PTPN23: variants seen among roughly 807,000 people sequenced by gnomAD.
The protein encoded by PTPN23 is protein tyrosine phosphatase non-receptor type 23.
Under a neutral mutation model 156.3 loss-of-function variants are expected in PTPN23, and 72 were observed. That is an observed-to-expected ratio of 0.46 (90% CI 0.38 to 0.56). The LOEUF is 0.56. PTPN23 is among the 20% of genes least tolerant of loss of function. The pLI, the probability that PTPN23 is intolerant of heterozygous loss-of-function variation, is 0.00. For synonymous variants in PTPN23, 957 were observed against 899.6 expected, an observed-to-expected ratio of 1.06 and a Z score of -1.14; for missense variants, 1,974 against 2,171.5, an observed-to-expected ratio of 0.91 and a Z score of 1.81.
chr3:47,409,123 T>A, intron 16 of PTPN23, 36 bp downstream of exon 16: 1 of 1,607,250 alleles, frequency 6.2e-7, no homozygotes, highest in Admixed American at 1.7e-5. Flanking sequence ...AGACTCGAGC[T>A]GGGGGTTTCT....
In PTPN23 at chr3:47,409,464, C is replaced by T; in HGVS notation, c.1845C>T (p.Tyr615=). Residue 615 remains tyrosine (Y), a synonymous_variant, in exon 18 of 25, where the codon TAC becomes TAT. Transcript: ENST00000265562. ...AAAAGTATGACCAGCTGAAGGTGTA[C>T]CTGGAGCAGAACCTGGCCGCCCAGG... ...QLKKYDQLKV[Y]LEQNLAAQDR... 6.2e-7 allele frequency: 1 copy of T among 1,614,184 alleles called. No individual in the cohort carries two copies. The highest frequency in any genetic ancestry group is 1.3e-5 in the African/African-American group (1 of 75,048).
chr3:47,389,940 G>T (rs955535971), intron 1 of PTPN23, among the ~76,000 whole-genome samples: 1 of 151,566 alleles, frequency 6.6e-6, no homozygotes. Flanking sequence ...GGGTATGGCT[G>T]CATGCACCTG....
At position 47,405,968 on chromosome 3, in the gene PTPN23, C is replaced by T; in HGVS notation, c.468C>T (p.Tyr156=). The T allele has an allele frequency of 6.2e-7, 1 of 1,613,966 alleles. No individual in the cohort carries two copies. Among genetic ancestry groups the T allele is most frequent in the South Asian group, 1.1e-5 (1 of 91,072 alleles). Residue 156 remains tyrosine (Y), a synonymous_variant, in exon 6 of 25, where the codon TAC becomes TAT. Transcript: ENST00000265562. This position sits in a 1 kb window ranked among gnomAD's most constrained non-coding sequence, Gnocchi z 4.7. ...AGTGCGCAGCCGGCGCCTTCGCCTA[C>T]CTACGGGAGCACTTCCCTCAAGCCT... ...HFQCAAGAFA[Y]LREHFPQAYS...
At chr3:47,382,085 C>G (rs1038339638) in intron 1 of PTPN23, among the ~76,000 whole-genome samples, 5 of 152,196 alleles carry the variant, frequency 3.3e-5, no homozygotes, top group African/African-American at 1.2e-4. Flanking sequence ...TGGTGCACCA[C>G]TTAGCGAGAC....
intron 2 of PTPN23, among the ~76,000 whole-genome samples, chr3:47,401,521 C>A (rs1396198257): frequency 6.6e-6 from 1 of 152,084 alleles, no homozygotes; most frequent in Non-Finnish European, 1.5e-5. Context: ...TTTTTCAATA[C>A]TTTTATATGT....
At chr3:47,391,711 CTG>C (rs1704777093) in intron 1 of PTPN23, among the ~76,000 whole-genome samples, 1 of 152,100 alleles carries the variant, frequency 6.6e-6, no homozygotes, top group Non-Finnish European at 1.5e-5. Context: ...TAGGAGTCTC[CTG>C]TCCATCTGAT....
In PTPN23 at chr3:47,411,778, C is replaced by A; in HGVS notation, c.3889-5C>A. The stretch of plus-strand genomic sequence containing the variant: ...CAGGTCTGTCTTGGCTTATCTGTCC[C>A]TCAGCAAAAAGTGGCACGCTACTTC... On this transcript the variant is annotated splice_polypyrimidine_tract_variant and splice_region_variant and intron_variant, in intron 20 of 24. Transcript: ENST00000265562. This position sits in a 1 kb window ranked among gnomAD's most constrained non-coding sequence, Gnocchi z 6.3. 1.2e-6 allele frequency: 2 copies of A among 1,603,006 alleles called. No homozygotes were observed. The highest frequency in any genetic ancestry group is 1.7e-6 in the Non-Finnish European group (2 of 1,173,474).
Position 47,408,782 on chromosome 3 carries a change from C to A in PTPN23, c.1337C>A (p.Ser446Ter). Residue 446 changes from serine (S) to a stop codon, truncating the protein, a stop_gained, in exon 16 of 25, where the codon TCA becomes TAA. Coordinates refer to ENST00000265562, the MANE Select transcript of PTPN23 (RefSeq NM_015466.4). LOFTEE classifies it high-confidence loss of function. ...RNLVQSMQVL[S>*]GVFTDVEASL... Reference sequence around the variant, plus strand: ...GTACAATCCACAACCCCAGTGCTGTCAGGTGTGTTCACGGATGTGGAGGCT... The same window carrying A: ...GTACAATCCACAACCCCAGTGCTGTAAGGTGTGTTCACGGATGTGGAGGCT... 6.3e-7 allele frequency: 1 copy of A among 1,590,204 alleles called. No homozygotes were observed. The highest frequency in any genetic ancestry group is 8.6e-7 in the Non-Finnish European group (1 of 1,166,918).
At chr3:47,396,325 A>T in intron 2 of PTPN23, 108 bp downstream of exon 2, 1 of 858,558 alleles carries the variant, frequency 1.2e-6, no homozygotes, top group South Asian at 1.7e-5. Context: ...CTATAATCCC[A>T]CCACTTTGGG....
chr3:47,411,655 T>G lies in PTPN23; in HGVS notation c.3857T>G (p.Val1286Gly). Residue 1286 changes from valine (V) to glycine (G), a missense_variant, in exon 20 of 25, where the codon GTC (valine) becomes GGC (glycine). Physicochemically the swap from Val to Gly is moderately radical, Grantham distance 109 (BLOSUM62 -3). This residue lies in a region of PTPN23 where 484 missense variants were observed against 516.0 expected (regional missense o/e 0.94). Coordinates refer to ENST00000265562, the MANE Select transcript of PTPN23 (RefSeq NM_015466.4). The surrounding 1 kb of genome is among the most constrained non-coding windows in gnomAD (Gnocchi z 6.3). ...CATGAGCAGAAAGTGTCAGTCATTGTCATGCTGGTTTCTGAGGCTGAGATG... is the reference window on the plus strand; with the variant it reads ...CATGAGCAGAAAGTGTCAGTCATTGGCATGCTGGTTTCTGAGGCTGAGATG... ...MVHEQKVSVIVMLVSEAEMEK... is the reference protein window; with the variant it reads ...MVHEQKVSVIGMLVSEAEMEK... The G allele has an allele frequency of 1.2e-6, 2 of 1,605,950 alleles. No homozygotes were observed. Among genetic ancestry groups the G allele is most frequent in the Non-Finnish European group, 1.7e-6 (2 of 1,174,900 alleles).
At chr3:47,402,423 G>A (rs1263283630) in intron 2 of PTPN23, among the ~76,000 whole-genome samples, 2 of 152,006 alleles carry the variant, frequency 1.3e-5, no homozygotes, top group African/African-American at 4.8e-5. Context: ...GGAATTACAG[G>A]TGCGCACCAT....
intron 2 of PTPN23, among the ~76,000 whole-genome samples, chr3:47,402,689 G>T (rs1292057995): frequency 6.6e-6 from 1 of 152,096 alleles, no homozygotes; most frequent in African/African-American, 2.4e-5. Context: ...TTTTGTTTAT[G>T]TACCTATTTG....
At position 47,410,923 on chromosome 3, in the gene PTPN23, C is replaced by G. The variant is rs1377033824; in HGVS notation, c.3125C>G (p.Pro1042Arg). Reference sequence around the variant, plus strand: ...CTGCCTTTCCCCAGCCCTGGGCCCCCTCAGCCTCCCCATCCCCCACTGGCA... The same window carrying G: ...CTGCCTTTCCCCAGCCCTGGGCCCCGTCAGCCTCCCCATCCCCCACTGGCA... Reference protein sequence around the residue: ...GALPFPSPGPPQPPHPPLAYG... With the variant: ...GALPFPSPGPRQPPHPPLAYG... Residue 1042 changes from proline (P) to arginine (R), a missense_variant, in exon 20 of 25, where the codon CCT (proline) becomes CGT (arginine). By Grantham distance (103) the Pro-to-Arg change is moderately radical (BLOSUM62 -2). This residue lies in a region of PTPN23 where 731 missense variants were observed against 669.1 expected (regional missense o/e 1.09). Coordinates refer to ENST00000265562, the MANE Select transcript of PTPN23 (RefSeq NM_015466.4). 1 of 1,611,490 alleles carries G rather than the reference C, an allele frequency of 6.2e-7. No homozygotes were observed. Among genetic ancestry groups the G allele is most frequent in the Admixed American group, 1.7e-5 (1 of 59,956 alleles).
Position 47,409,265 on chromosome 3 carries a change from A to G in PTPN23, c.1745A>G (p.Gln582Arg), listed in dbSNP as rs1437170371. The G allele has an allele frequency of 1.6e-5, 26 of 1,614,054 alleles. No individual in the cohort carries two copies. The highest frequency in any genetic ancestry group is 8.0e-5 in the African/African-American group (6 of 74,952). ...SLEQQLRELI[Q>R]KDDITASLVT... ...GAGCAGCAGCTGCGTGAGCTTATCCAGAAAGATGACATCACTGCCTCGCTG... is the reference window on the plus strand; with the variant it reads ...GAGCAGCAGCTGCGTGAGCTTATCCGGAAAGATGACATCACTGCCTCGCTG... Residue 582 changes from glutamine to arginine, a missense_variant, in exon 17 of 25, where the codon CAG becomes CGG. Gln to Arg is a conservative substitution (Grantham distance 43). This residue lies in a region of PTPN23 where 726 missense variants were observed against 929.5 expected (regional missense o/e 0.78). Coordinates refer to ENST00000265562, the MANE Select transcript of PTPN23 (RefSeq NM_015466.4).
At position 47,405,894 on chromosome 3, in the gene PTPN23, C is replaced by T; in HGVS notation, c.415-21C>T. The T allele has an allele frequency of 6.2e-7, 1 of 1,611,720 alleles. No homozygotes were observed. Among genetic ancestry groups the T allele is most frequent in the Non-Finnish European group, 8.5e-7 (1 of 1,178,700 alleles). On this transcript the variant is annotated intron_variant, in intron 5 of 24. Transcript: ENST00000265562. The surrounding 1 kb of genome is among the most constrained non-coding windows in gnomAD (Gnocchi z 4.7). ...CCTGACCCATGGAGTGGACACAGGC[C>T]ATCCTCCCACTCCCTCCCAGGGCAT... is the stretch of plus-strand genomic sequence containing the variant.
Position 47,407,247 on chromosome 3 carries a change from G to T in PTPN23, c.864+61G>T. On this transcript the variant is annotated intron_variant, in intron 10 of 24. Transcript: ENST00000265562. The surrounding 1 kb of genome is among the most constrained non-coding windows in gnomAD (Gnocchi z 4.0). ...TAGGAGCAAGCCCGGTAGGACTGAG[G>T]GGGTGTCCTGGTGCCAGCCTTGGTT... is the stretch of plus-strand genomic sequence containing the variant. 6.2e-7 allele frequency: 1 copy of T among 1,613,460 alleles called. No individual in the cohort carries two copies. Among genetic ancestry groups the T allele is most frequent in the Non-Finnish European group, 8.5e-7 (1 of 1,179,502 alleles).
At chr3:47,401,541 G>A (rs1316295093) in intron 2 of PTPN23, among the ~76,000 whole-genome samples, 2 of 152,124 alleles carry the variant, frequency 1.3e-5, no homozygotes, top group Non-Finnish European at 1.5e-5. Context: ...TGCTATTTTA[G>A]TGAGTATTGA....
chr3:47,406,987 C>G lies in PTPN23; in HGVS notation c.808-143C>G. The G allele has an allele frequency of 8.3e-7, 1 of 1,198,292 alleles. No homozygotes were observed. The highest frequency in any genetic ancestry group is 1.4e-5 in the South Asian group (1 of 70,966). 74.2% of individuals were successfully genotyped at this position (1,198,292 alleles called of 1,614,324 possible). ...TGGCTGGGGCAGGGTGTGGCGCCAC[C>G]TTGCTGCTGTTGGCTGGGGTGGTGC... On this transcript the variant is annotated intron_variant, in intron 9 of 24. Transcript: ENST00000265562. This position sits in a 1 kb window ranked among gnomAD's most constrained non-coding sequence, Gnocchi z 5.8.
chr3:47,412,005 G>A (rs777467137), intron 21 of PTPN23, 38 bp downstream of exon 21: 2 of 1,605,970 alleles, frequency 1.2e-6, no homozygotes, highest in Non-Finnish European at 1.7e-6. Flanking sequence ...GGGGGTCTAA[G>A]TGCTGTCCAG....
Sources: allele counts gnomAD v4.1 joint callset (sites outside exome capture counted in the v4.1 genomes callset), GRCh38; gene constraint gnomAD v4.1.1; regional missense constraint gnomAD v4.1.1; non-coding constraint Gnocchi (gnomAD v3.1); transcripts MANE v1.5; gene names NCBI Gene and HGNC (gene_info 2026-07-23, HGNC 2026-07-21).